Variants in CASQ1 observed in about 807,000 individuals in gnomAD.
The protein encoded by CASQ1 is calsequestrin-1.
Under a neutral mutation model 49.5 loss-of-function variants are expected in CASQ1, and 40 were observed. The observed-to-expected ratio is 0.81, with a 90% CI of 0.63 to 1.05. The LOEUF is 1.05. Among genes scored for constraint, CASQ1 ranks in the 50% least tolerant of loss-of-function variants. The probability of loss-of-function intolerance (pLI) is 0.00; values close to 1 mark genes in which losing one functional copy is unlikely to be tolerated. For missense variants in CASQ1, 469 were observed against 486.9 expected, an observed-to-expected ratio of 0.96 and a Z score of 0.35; for synonymous variants, 174 against 187.2, an observed-to-expected ratio of 0.93 and a Z score of 0.58.
chr1:160,192,491 G>A, intron 1 of CASQ1: 1 of 242,074 alleles, frequency 4.1e-6, no homozygotes, highest in Non-Finnish European at 8.2e-6. Flanking sequence ...GGAGGGAAGG[G>A]GCCCTCAGTC....
chr1:160,196,245 C>T (rs769488811), intron 6 of CASQ1, among the ~76,000 whole-genome samples: 5 of 152,132 alleles, frequency 3.3e-5, no homozygotes, highest in Non-Finnish European at 7.4e-5. Flanking sequence ...GAGGGTCCTT[C>T]ATAAGTGTGT....
Position 160,199,908 on chromosome 1 carries a change from G to A in CASQ1, c.1042G>A (p.Val348Ile). The A allele has an allele frequency of 6.2e-7, 1 of 1,612,376 alleles. No individual in the cohort carries two copies. The highest frequency in any genetic ancestry group is 8.5e-7 in the Non-Finnish European group (1 of 1,178,400). The change falls in exon 10 of 11, where the codon GTC becomes ATC. Residue 348 changes from valine to isoleucine, a missense_variant. Val to Ile is a conservative substitution (Grantham distance 29). Transcript: ENST00000368078. ...DIDLSAPQIG[V>I]VNVTDADSVW... ...CGACTTGTCAGCCCCACAAATAGGA[G>A]TCGTCAATGTTACTGATGTGAGTTT...
At chr1:160,200,415 C>T (rs898360504) in intron 10 of CASQ1, among the ~76,000 whole-genome samples, 2 of 151,808 alleles carry the variant, frequency 1.3e-5, no homozygotes, top group African/African-American at 4.8e-5. Context: ...GTTCCATTAA[C>T]TACAAGGCCA....
chr1:160,194,765 A>G (rs1654178236), intron 3 of CASQ1, among the ~76,000 whole-genome samples: 1 of 149,840 alleles, frequency 6.7e-6, no homozygotes, highest in South Asian at 2.1e-4. Context: ...TCACACACAC[A>G]TCATATACAT....
chr1:160,196,426 C>T (rs1035751420), intron 6 of CASQ1, among the ~76,000 whole-genome samples: 1 of 151,990 alleles, frequency 6.6e-6, no homozygotes, highest in African/African-American at 2.4e-5. Flanking sequence ...AGCTTTTAAC[C>T]CTGATTTTAA....
Position 160,197,633 on chromosome 1 carries a change from G to A in CASQ1, c.828+19G>A, listed in dbSNP as rs760651936. Reference sequence around the variant, plus strand: ...GACCTGGGTGAGTGCCCCTGGCCAGGGTCAAGCCCTCAGGGAAGCATGGGT... The same window carrying A: ...GACCTGGGTGAGTGCCCCTGGCCAGAGTCAAGCCCTCAGGGAAGCATGGGT... On this transcript the variant is annotated intron_variant, in intron 7 of 10. Transcript: ENST00000368078. 6.9e-6 allele frequency: 11 copies of A among 1,584,668 alleles called. No individual in the cohort carries two copies. In the South Asian group the frequency reaches 1.2e-4, roughly 18 times the overall value.
intron 3 of CASQ1, 96 bp from the exon 4 acceptor site, chr1:160,194,916 C>T (rs958727635): frequency 5.6e-6 from 4 of 713,170 alleles, no homozygotes; most frequent in African/African-American, 3.5e-5. Context: ...AACATCTAGC[C>T]CCCTCCTCCA....
chr1:160,197,477 G>A, intron 6 of CASQ1, 92 bp from the exon 7 acceptor site: 2 of 898,750 alleles, frequency 2.2e-6, no homozygotes, highest in East Asian at 2.4e-5. Context: ...TGTGCCCTGG[G>A]CCTGACCTAG....
At chr1:160,196,826 G>A (rs968777254) in intron 6 of CASQ1, among the ~76,000 whole-genome samples, 2 of 152,144 alleles carry the variant, frequency 1.3e-5, no homozygotes, top group Non-Finnish European at 2.9e-5. Context: ...CTACAAGGTG[G>A]GAAGGCGTGG....
At chr1:160,195,688 G>A (rs1464414026) in intron 5 of CASQ1, among the ~76,000 whole-genome samples, 154 bp downstream of exon 5, 2 of 139,068 alleles carry the variant, frequency 1.4e-5, no homozygotes, top group Non-Finnish European at 3.0e-5. Context: ...CATAGATTTA[G>A]AGCTGAAGAG....
At chr1:160,193,391 G>T (rs1260608317) in intron 2 of CASQ1, among the ~76,000 whole-genome samples, 2 of 152,086 alleles carry the variant, frequency 1.3e-5, no homozygotes, top group Non-Finnish European at 2.9e-5. Context: ...CTACTAGAGT[G>T]CTCAGAGGGG....
intron 6 of CASQ1, among the ~76,000 whole-genome samples, chr1:160,196,938 G>A (rs1039465146): frequency 2.3e-4 from 35 of 152,176 alleles, no homozygotes; most frequent in Non-Finnish European, 4.3e-4. Context: ...CTAGAGCCCA[G>A]GGATACTGCT....
At chr1:160,199,820 A>G (rs767212474) in intron 9 of CASQ1, 31 bp from the exon 10 acceptor site, 2 of 1,441,344 alleles carry the variant, frequency 1.4e-6, no homozygotes, top group African/African-American at 1.4e-5. Flanking sequence ...CCTAGTATCT[A>G]TTAAGTTGCT....
At chr1:160,194,175 CAT>C (rs1199189516) in intron 3 of CASQ1, among the ~76,000 whole-genome samples, 4 of 147,510 alleles carry the variant, frequency 2.7e-5, no homozygotes, top group Non-Finnish European at 6.0e-5. Context: ...CCATCACACA[CAT>C]ATCACATGCA....
Position 160,190,848 on chromosome 1 carries a change from C to T in CASQ1, c.97C>T (p.Gln33Ter). The T allele has an allele frequency of 1.2e-6, 2 of 1,614,172 alleles. No individual in the cohort carries two copies. The highest frequency in any genetic ancestry group is 1.7e-6 in the Non-Finnish European group (2 of 1,180,022). Residue 33 changes from glutamine to a stop codon, truncating the protein, a stop_gained, in exon 1 of 11, where the codon CAG becomes TAG. Coordinates refer to ENST00000368078, the MANE Select transcript of CASQ1 (RefSeq NM_001231.5). LOFTEE classifies it high-confidence loss of function. Reference protein sequence around the residue: ...LVLGTPKSGVQGQEGLDFPEY... With the variant: ...LVLGTPKSGV ...GCTAGGGACACCCAAGTCAGGGGTA[C>T]AGGGGCAGGAAGGGCTGGACTTCCC...
chr1:160,194,603 ACAC>A (rs376292431), intron 3 of CASQ1, among the ~76,000 whole-genome samples: 4 of 141,048 alleles, frequency 2.8e-5, no homozygotes, highest in Admixed American at 1.5e-4. Context: ...ACACATGCAC[ACAC>A]CACATGCACA....
chr1:160,191,541 G>T (rs1234724579), intron 1 of CASQ1, among the ~76,000 whole-genome samples: 2 of 152,078 alleles, frequency 1.3e-5, no homozygotes, highest in African/African-American at 4.8e-5. Context: ...CCTCCCATTG[G>T]ACTCCCAGTC....
chr1:160,193,891 C>T (rs539078887), intron 3 of CASQ1, 44 bp downstream of exon 3: 97 of 1,308,024 alleles, frequency 7.4e-5, no homozygotes, highest in Admixed American at 6.8e-4. Context: ...GAAAACTCCA[C>T]TGCCTGCCCC....
Position 160,190,824 on chromosome 1 carries a change from C to T in CASQ1, c.73C>T (p.Leu25=). The part of the protein sequence containing the change: ...LRLALLLLLV[L]GTPKSGVQGQ... ...GCTGGCACTGCTGTTGCTGCTGGTG[C>T]TAGGGACACCCAAGTCAGGGGTACA... Residue 25 remains leucine (L), a synonymous_variant, in exon 1 of 11, where the codon CTA becomes TTA. Transcript: ENST00000368078. The T allele has an allele frequency of 6.2e-7, 1 of 1,614,128 alleles. No homozygotes were observed. Among genetic ancestry groups the T allele is most frequent in the Non-Finnish European group, 8.5e-7 (1 of 1,179,998 alleles).
Sources: gnomAD v4.1 joint callset for allele counts (sites outside exome capture counted in the v4.1 genomes callset) on GRCh38, gnomAD v4.1.1 for gene constraint, MANE v1.5 for transcripts, NCBI Gene and HGNC (gene_info 2026-07-23, HGNC 2026-07-21) for gene names.